Variants in KLKB1 observed in about 807,000 individuals in gnomAD.
KLKB1 encodes plasma kallikrein.
KLKB1 carries 58 observed loss-of-function variants against 73.6 expected under a neutral mutation model. That is an observed-to-expected ratio of 0.79 (90% CI 0.64 to 0.98). KLKB1 has a LOEUF of 0.98. Ranked by LOEUF, KLKB1 falls within the 50% of genes least tolerant of loss-of-function variation. KLKB1 has a pLI of 0.00. For missense variants in KLKB1, 737 were observed against 763.8 expected (o/e 0.96, Z 0.41); for synonymous variants, 280 against 258.1 (o/e 1.08, Z -0.81).
chr4:186,242,148 C>T lies in KLKB1; in HGVS notation c.598+3783C>T, dbSNP rs748332997. ...AAGGGGGTTGTTCTCTGGCGGGCAGCGGTGGGGGGTCACAAGGTGCTCAGT... is the reference window on the plus strand; with the variant it reads ...AAGGGGGTTGTTCTCTGGCGGGCAGTGGTGGGGGGTCACAAGGTGCTCAGT... On this transcript the variant is annotated intron_variant, in intron 6 of 14. Transcript: ENST00000264690. 1.1e-4 allele frequency among the ~76,000 whole-genome samples: 14 copies of T among 132,560 alleles called. No individual in the cohort carries two copies. The South Asian group carries it at 1.5e-3, about 15-fold the overall frequency. 87.0% of individuals were successfully genotyped at this position (132,560 alleles called of 152,430 possible). A position where few individuals can be genotyped will look rare whatever the true frequency, so the allele number is the denominator to read the frequency against.
At chr4:186,238,396 G>T (rs765556922) in intron 6 of KLKB1, 31 bp downstream of exon 6, 9 of 1,461,852 alleles carry the variant, frequency 6.2e-6, no homozygotes, top group Non-Finnish European at 8.6e-6. Context: ...CTTTGTGATT[G>T]TGGTAGGTGG....
chr4:186,219,944 A>G (rs1320175343), intron 2 of KLKB1, among the ~76,000 whole-genome samples: 2 of 152,092 alleles, frequency 1.3e-5, no homozygotes, highest in Non-Finnish European at 2.9e-5. Context: ...CAGGTCAATC[A>G]CCACAGCCAA....
chr4:186,238,844 G>A (rs1197864765), intron 6 of KLKB1, among the ~76,000 whole-genome samples: 1 of 152,174 alleles, frequency 6.6e-6, no homozygotes, highest in Non-Finnish European at 1.5e-5. Flanking sequence ...TAAGTTTGTG[G>A]TTATGCCCCT....
intron 12 of KLKB1, among the ~76,000 whole-genome samples, chr4:186,255,289 G>A (rs1191755162): frequency 9.9e-5 from 15 of 152,154 alleles, no homozygotes; most frequent in Admixed American, 9.8e-4. Context: ...GGTCAGGAAT[G>A]GTGGCTCACA....
intron 6 of KLKB1, among the ~76,000 whole-genome samples, chr4:186,243,400 A>G (rs563108600): frequency 5.7e-4 from 87 of 152,256 alleles, no homozygotes; most frequent in African/African-American, 1.7e-3. Flanking sequence ...GAAGAGATTG[A>G]TAGGTGGAAG....
chr4:186,256,995 C>CTGTGTG (rs1384555268), intron 13 of KLKB1, among the ~76,000 whole-genome samples: 1 of 67,516 alleles, frequency 1.5e-5, no homozygotes, highest in Non-Finnish European at 3.7e-5. Context: ...CTGTCTCTCT[C>CTGTGTG]TCTCTGTGTG....
At chr4:186,253,827 TTTATA>T (rs1382252965) in intron 11 of KLKB1, among the ~76,000 whole-genome samples, 1 of 151,428 alleles carries the variant, frequency 6.6e-6, no homozygotes, top group African/African-American at 2.4e-5. Flanking sequence ...TTTTATTTTA[TTTATA>T]TATTTATTTA....
chr4:186,256,333 A>G (rs1738991112), intron 13 of KLKB1, among the ~76,000 whole-genome samples: 1 of 152,214 alleles, frequency 6.6e-6, no homozygotes, highest in Non-Finnish European at 1.5e-5. Context: ...TTGACTTTGC[A>G]TGAAGCAGAT....
At chr4:186,248,242 C>G (rs1003603908) in intron 6 of KLKB1, among the ~76,000 whole-genome samples, 3 of 151,148 alleles carry the variant, frequency 2.0e-5, no homozygotes, top group African/African-American at 7.3e-5. Flanking sequence ...AGCAAGACTC[C>G]ATCTCACAAA....
In KLKB1 at chr4:186,258,458, A is replaced by G; in HGVS notation, c.*246A>G. On this transcript the variant is annotated 3_prime_UTR_variant, in exon 15 of 15. Transcript: ENST00000264690. ...CCATGACTGTGTGTTGTGAAATAAA[A>G]TGGTGAAAGATCACGATTAGCAAGT... is the stretch of plus-strand genomic sequence containing the variant. 1 of 553,034 alleles carries G rather than the reference A, an allele frequency of 1.8e-6. No homozygotes were observed. The highest frequency in any genetic ancestry group is 1.9e-5 in the African/African-American group (1 of 52,964). 34.3% of individuals were successfully genotyped at this position (553,034 alleles called of 1,614,324 possible).
At chr4:186,227,162 C>T (rs1015627253), upstream of KLKB1, among the ~76,000 whole-genome samples, 5 of 152,076 alleles carry the variant, frequency 3.3e-5, no homozygotes, top group South Asian at 2.1e-4. Context: ...GAGATGACAC[C>T]GGTAATGTGA....
At chr4:186,222,966 G>A (rs1361750022), upstream of KLKB1, among the ~76,000 whole-genome samples, 2 of 152,174 alleles carry the variant, frequency 1.3e-5, no homozygotes, top group African/African-American at 2.4e-5. Context: ...ATTGGATCAC[G>A]AGGTGTTTTC....
At chr4:186,215,221 A>G (rs1231940560) in intron 2 of KLKB1, among the ~76,000 whole-genome samples, 2 of 151,630 alleles carry the variant, frequency 1.3e-5, no homozygotes, top group African/African-American at 4.8e-5. Flanking sequence ...ATATAGTTTT[A>G]AAATACATGT....
intron 4 of KLKB1, among the ~76,000 whole-genome samples, chr4:186,235,912 G>C (rs946142026): frequency 1.3e-5 from 2 of 151,678 alleles, no homozygotes; most frequent in African/African-American, 2.4e-5. Flanking sequence ...TCAGGAGATC[G>C]AGACCATCCT....
chr4:186,246,406 G>A (rs980397478), intron 6 of KLKB1, among the ~76,000 whole-genome samples: 1 of 152,172 alleles, frequency 6.6e-6, no homozygotes, highest in Non-Finnish European at 1.5e-5. Flanking sequence ...GGACCAATGT[G>A]TAAAAGAATG....
At chr4:186,227,186 A>G (rs936729406), upstream of KLKB1, among the ~76,000 whole-genome samples, 1 of 152,126 alleles carries the variant, frequency 6.6e-6, no homozygotes, top group Non-Finnish European at 1.5e-5. Context: ...TGTCCTTCCT[A>G]TACACTTCTA....
At chr4:186,256,468 G>A (rs1007956091) in intron 13 of KLKB1, among the ~76,000 whole-genome samples, 6 of 152,290 alleles carry the variant, frequency 3.9e-5, no homozygotes, top group African/African-American at 7.2e-5. Flanking sequence ...CAGGTGTGTC[G>A]TCTCACTATG....
chr4:186,230,503 A>T (rs549909108), intron 2 of KLKB1, among the ~76,000 whole-genome samples: 145 of 152,360 alleles, frequency 9.5e-4, no homozygotes, highest in African/African-American at 3.4e-3. Context: ...AGCCACCATC[A>T]TTATGAGATA....
chr4:186,226,301 C>T (rs536762405), upstream of KLKB1: 1 of 152,310 alleles, frequency 6.6e-6, no homozygotes, highest in African/African-American at 2.4e-5. Flanking sequence ...GCTTTATTTC[C>T]TTCCTTTGGT....
Sources: gnomAD v4.1 joint callset for allele counts (sites outside exome capture counted in the v4.1 genomes callset) on GRCh38, gnomAD v4.1.1 for gene constraint, MANE v1.5 for transcripts, NCBI Gene and HGNC (gene_info 2026-07-23, HGNC 2026-07-21) for gene names.